Variants in PALM2AKAP2 observed in about 807,000 individuals in gnomAD.
The protein encoded by PALM2AKAP2 is PALM2-AKAP2 fusion protein.
Under a neutral mutation model 71.5 loss-of-function variants are expected in PALM2AKAP2, and 37 were observed. The observed-to-expected ratio is 0.52, with a 90% CI of 0.40 to 0.68. The LOEUF is 0.68. Ranked by LOEUF, PALM2AKAP2 falls within the 30% of genes least tolerant of loss-of-function variation. The probability of loss-of-function intolerance (pLI) is 0.00; values close to 1 mark genes in which losing one functional copy is unlikely to be tolerated. For synonymous variants in PALM2AKAP2, 468 were observed against 478.8 expected (o/e 0.98, Z 0.29); for missense variants, 1,224 against 1,191.8 (o/e 1.03, Z -0.40).
intron 5 of PALM2AKAP2, among the ~76,000 whole-genome samples, chr9:109,929,176 T>C (rs1159553267): frequency 6.7e-6 from 1 of 148,568 alleles, no homozygotes; most frequent in Non-Finnish European, 1.5e-5. Context: ...GTAGTTTTTT[T>C]TTTTTTGTTT....
At position 110,148,266 on chromosome 9, in the gene PALM2AKAP2, TC is replaced by T. The variant is rs1836227149; in HGVS notation, c.2570-8051del. 2.6e-5 allele frequency among the ~76,000 whole-genome samples: 4 copies of T among 152,166 alleles called. No homozygotes were observed. The South Asian group carries it at 8.3e-4, about 32-fold the overall frequency. The stretch of plus-strand genomic sequence containing the variant: ...TTTCCTTCTAGAGTTTTCATCATCT[TC>T]CAGTTGTGTTCATAGGTATAAACCC... On this transcript the variant is annotated intron_variant, in intron 2 of 3. Coordinates refer to ENST00000374525, the Ensembl canonical transcript of PALM2AKAP2.
chr9:109,881,444 C>T (rs1024924277), intron 3 of PALM2AKAP2, among the ~76,000 whole-genome samples: 1 of 152,112 alleles, frequency 6.6e-6, no homozygotes, highest in Non-Finnish European at 1.5e-5. Context: ...TTGGTCAATT[C>T]GAAATGTGAA....
chr9:110,026,059 C>G (rs1282897546), intron 7 of PALM2AKAP2, among the ~76,000 whole-genome samples: 1 of 151,924 alleles, frequency 6.6e-6, no homozygotes, highest in Non-Finnish European at 1.5e-5. Flanking sequence ...CTTTCTATTT[C>G]TTTTCTTTCT....
intron 1 of PALM2AKAP2, among the ~76,000 whole-genome samples, chr9:109,743,382 G>T (rs745562904): frequency 6.6e-6 from 1 of 152,036 alleles, no homozygotes; most frequent in Non-Finnish European, 1.5e-5. Flanking sequence ...TACCCCACCC[G>T]TGCAGAGCTG....
rs373183803 is a variant in PALM2AKAP2 at position 110,016,073 on chromosome 9, G to T, written c.582+34G>T. On this transcript the variant is annotated intron_variant, in intron 7 of 9. Coordinates refer to the PALM2AKAP2 transcript ENST00000302798. The stretch of plus-strand genomic sequence containing the variant: ...TTCTCTTCAGGTTGATTCTCAAAGT[G>T]TATCTCTAGAGTAAAGGCAGCCGAT... 5.6e-6 allele frequency: 9 copies of T among 1,600,886 alleles called. No homozygotes were observed. The African/African-American group carries it at 1.2e-4, about 21-fold the overall frequency.
intron 7 of PALM2AKAP2, 121 bp downstream of exon 7, chr9:110,016,160 A>C: frequency 1.0e-6 from 1 of 983,638 alleles, no homozygotes; most frequent in Non-Finnish European, 1.6e-6. Context: ...TTCTCTCTCT[A>C]CTCACTGAGG....
chr9:109,850,567 C>T (rs1828982035), intron 1 of PALM2AKAP2, among the ~76,000 whole-genome samples: 1 of 152,132 alleles, frequency 6.6e-6, no homozygotes, highest in South Asian at 2.1e-4. Flanking sequence ...ATGAGAAATA[C>T]TGCAACAAGG....
intron 1 of PALM2AKAP2, among the ~76,000 whole-genome samples, chr9:109,801,839 A>G (rs1189752610): frequency 1.3e-5 from 2 of 152,164 alleles, no homozygotes; most frequent in African/African-American, 4.8e-5. Flanking sequence ...GGAAGGGGAT[A>G]AAAATGGGCA....
intron 1 of PALM2AKAP2, among the ~76,000 whole-genome samples, chr9:110,111,813 G>A (rs934752199): frequency 2.6e-5 from 4 of 152,126 alleles, no homozygotes; most frequent in African/African-American, 9.7e-5. Context: ...TCATCCTCCA[G>A]TCAACGTTTT....
intron 3 of PALM2AKAP2, among the ~76,000 whole-genome samples, chr9:109,907,625 C>A (rs901066258): frequency 6.6e-6 from 1 of 152,098 alleles, no homozygotes; most frequent in African/African-American, 2.4e-5. Context: ...AGCAGCCAAG[C>A]GGGAAACAAT....
chr9:109,732,779 A>G (rs1828575837), intron 1 of PALM2AKAP2, among the ~76,000 whole-genome samples: 1 of 152,204 alleles, frequency 6.6e-6, no homozygotes, highest in Non-Finnish European at 1.5e-5. Flanking sequence ...AAAGGGTAGC[A>G]GGGAGAAGGT....
intron 3 of PALM2AKAP2, among the ~76,000 whole-genome samples, chr9:110,167,780 C>G (rs1024456115): frequency 5.3e-5 from 8 of 151,904 alleles, no homozygotes; most frequent in Non-Finnish European, 8.8e-5. Flanking sequence ...GTTTGCAAAG[C>G]TTGATGGACT....
intron 1 of PALM2AKAP2, among the ~76,000 whole-genome samples, chr9:109,803,978 T>C (rs1288689990): frequency 6.6e-6 from 1 of 152,134 alleles, no homozygotes; most frequent in Non-Finnish European, 1.5e-5. Context: ...CCTAACAGCT[T>C]TTTTGGCCAT....
At chr9:109,868,114 G>C (rs984752499) in intron 2 of PALM2AKAP2, among the ~76,000 whole-genome samples, 1 of 152,166 alleles carries the variant, frequency 6.6e-6, no homozygotes, top group Admixed American at 6.5e-5. Flanking sequence ...TGTTCTGTGA[G>C]AGCAAGCAGT....
intron 1 of PALM2AKAP2, among the ~76,000 whole-genome samples, chr9:109,753,512 T>G (rs1434993785): frequency 6.6e-6 from 1 of 152,186 alleles, no homozygotes; most frequent in African/African-American, 2.4e-5. Flanking sequence ...TTCTGCGCCC[T>G]TGGGCTTTCT....
rs139534215 is a variant in PALM2AKAP2, at chr9:110,040,509, G to C, written c.582+24470G>C. Among the ~76,000 whole-genome samples, 245 of 152,278 alleles carry C rather than the reference G, an allele frequency of 1.6e-3. 5 individuals are homozygous for C. In the South Asian group the frequency reaches 0.047, roughly 29 times the overall value. On this transcript the variant is annotated intron_variant, in intron 7 of 9. Transcript: ENST00000302798. ...ACTACCGCAAAGACTATCTCTGAGAGAATCAGAATTCTTAAAACTTAAAAT... is the reference window on the plus strand; with the variant it reads ...ACTACCGCAAAGACTATCTCTGAGACAATCAGAATTCTTAAAACTTAAAAT...
chr9:110,035,417 A>T (rs532090746), intron 7 of PALM2AKAP2, among the ~76,000 whole-genome samples: 3 of 143,178 alleles, frequency 2.1e-5, no homozygotes, highest in Non-Finnish European at 3.0e-5. Flanking sequence ...TAATATGTAT[A>T]ATACATATTA....
chr9:109,766,324 A>G lies in PALM2AKAP2; in HGVS notation c.6-14164A>G, dbSNP rs185024693. Among the ~76,000 whole-genome samples the G allele has an allele frequency of 3.3e-4, 51 of 152,326 alleles. No homozygotes were observed. In the South Asian group the frequency reaches 8.3e-3, roughly 25 times the overall value. ...TGTTTTCCAAACATCATTAAATGCC[A>G]AGGTCCCTGACCCTAAATGTGGTTC... On this transcript the variant is annotated intron_variant, in intron 1 of 6. Transcript: ENST00000374531.
chr9:109,808,432 C>T (rs929257357), intron 1 of PALM2AKAP2, among the ~76,000 whole-genome samples: 11 of 152,140 alleles, frequency 7.2e-5, no homozygotes, highest in African/African-American at 2.2e-4. Context: ...TTGAGAGAGA[C>T]GATTTTGGGG....
Sources: allele counts gnomAD v4.1 joint callset (sites outside exome capture counted in the v4.1 genomes callset), GRCh38; gene constraint gnomAD v4.1.1; transcripts MANE v1.5; gene names NCBI Gene and HGNC (gene_info 2026-07-23, HGNC 2026-07-21).